Variants in DIP2C observed in about 807,000 individuals in gnomAD.
DIP2C encodes the protein disco-interacting protein 2 homolog C.
Under a neutral mutation model 192.4 loss-of-function variants are expected in DIP2C, and 33 were observed. The ratio of observed to expected loss-of-function variants is 0.17; its 90% CI spans 0.13 to 0.23. The LOEUF (loss-of-function observed/expected upper bound fraction) is 0.23, where lower values mean the gene tolerates loss of function less well. Ranked by LOEUF, DIP2C falls within the 10% of genes least tolerant of loss-of-function variation. The pLI is 1.00. For synonymous variants in DIP2C, 979 were observed against 864.1 expected (o/e 1.13, Z -2.33); for missense variants, 1,537 against 2,110.1 (o/e 0.73, Z 5.32).
intron 10 of DIP2C, among the ~76,000 whole-genome samples, chr10:398,727 A>G (rs923513313): frequency 2.0e-5 from 3 of 152,218 alleles, no homozygotes; most frequent in African/African-American, 7.2e-5. Flanking sequence ...AAACCTGACA[A>G]ATCATAGGTC....
At chr10:599,771 C>A (rs1005752279) in intron 1 of DIP2C, among the ~76,000 whole-genome samples, 13 of 152,280 alleles carry the variant, frequency 8.5e-5, no homozygotes, top group African/African-American at 3.1e-4. Context: ...GATGTAAATG[C>A]GGTTGTCATC....
intron 31 of DIP2C, chr10:324,951 T>TCC (rs1957202425): frequency 1.9e-6 from 1 of 533,028 alleles, no homozygotes; most frequent in African/African-American, 1.9e-5. Flanking sequence ...CTGAGCGTAC[T>TCC]CCTTCCTTGT....
At chr10:281,152 A>C in intron 36 of DIP2C, 48 bp downstream of exon 36, 3 of 1,603,336 alleles carry the variant, frequency 1.9e-6, no homozygotes, top group Non-Finnish European at 2.6e-6. Flanking sequence ...TCAATGCTTC[A>C]CAAACTCTGC....
At chr10:384,757 G>A (rs1414245692) in intron 14 of DIP2C, 118 bp from the exon 15 acceptor site, 26 of 964,936 alleles carry the variant, frequency 2.7e-5, no homozygotes, top group Non-Finnish European at 3.6e-5. Context: ...AGGGAGCGCT[G>A]CAGACACCAT....
rs147162204 is a variant in DIP2C at position 369,525 on chromosome 10, G to A, written c.2100C>T (p.Thr700=). ...VDSEEKLSVL[T]VQDVGLVMPG... ...GCATCACGAGGCCGACATCCTGCAC[G>A]GTGAGCACGGACAGCTTCTCTTCCG... The change falls in exon 18 of 37, where the codon ACC becomes ACT. Residue 700 remains threonine, a synonymous_variant. Coordinates refer to ENST00000280886, the MANE Select transcript of DIP2C (RefSeq NM_014974.3). 91 of 1,571,356 alleles carry A rather than the reference G, an allele frequency of 5.8e-5. 1 individual carries two copies. In the African/African-American group the frequency reaches 9.0e-4, roughly 16 times the overall value.
chr10:650,105 C>T lies in DIP2C; in HGVS notation c.85+39389G>A, dbSNP rs561581615. The T allele has an allele frequency of 2.5e-5, 18 of 716,916 alleles. 1 individual carries two copies. Among genetic ancestry groups the T allele is most frequent in the African/African-American group, 5.2e-5 (3 of 57,370 alleles). 44.4% of individuals were successfully genotyped at this position (716,916 alleles called of 1,614,324 possible). On this transcript the variant is annotated intron_variant, in intron 1 of 36. Transcript: ENST00000280886. ...AGAGAAAATAGCTTGACACCTCCTG[C>T]GGCCCATGGAGTCCTCCCGTTGGGA... is the stretch of plus-strand genomic sequence containing the variant.
At chr10:420,797 C>T (rs531096447) in intron 5 of DIP2C, among the ~76,000 whole-genome samples, 1 of 152,298 alleles carries the variant, frequency 6.6e-6, no homozygotes, top group African/African-American at 2.4e-5. Context: ...TGAGAGACTC[C>T]GTGACCTGAG....
In DIP2C at chr10:440,999, G is replaced by A; in HGVS notation, c.269-3C>T. 1.2e-6 allele frequency: 2 copies of A among 1,611,064 alleles called. No individual in the cohort carries two copies. Among genetic ancestry groups the A allele is most frequent in the South Asian group, 1.1e-5 (1 of 90,738 alleles). Reference sequence around the variant, plus strand: ...CTGGACAGCTTCCGTGTGGACGTCTGAAACGGAGAGAGCTCAGTCACTCAG... The same window carrying A: ...CTGGACAGCTTCCGTGTGGACGTCTAAAACGGAGAGAGCTCAGTCACTCAG... On this transcript the variant is annotated splice_polypyrimidine_tract_variant and splice_region_variant and intron_variant, in intron 3 of 36. Transcript: ENST00000280886.
At chr10:466,728 C>G (rs539783362) in intron 3 of DIP2C, among the ~76,000 whole-genome samples, 1 of 151,878 alleles carries the variant, frequency 6.6e-6, no homozygotes, top group South Asian at 2.1e-4. Flanking sequence ...GGGCAAAGGA[C>G]ATGAACAGAC....
At chr10:464,774 C>T (rs1711862237) in intron 3 of DIP2C, among the ~76,000 whole-genome samples, 1 of 152,014 alleles carries the variant, frequency 6.6e-6, no homozygotes, top group Non-Finnish European at 1.5e-5. Flanking sequence ...TGTGGCTAAA[C>T]TAGAAAATCT....
At chr10:332,709 G>A (rs1055108413) in intron 29 of DIP2C, among the ~76,000 whole-genome samples, 4 of 152,042 alleles carry the variant, frequency 2.6e-5, no homozygotes, top group South Asian at 4.2e-4. Context: ...ATACACATTC[G>A]CACATTAGCA....
At chr10:568,765 C>CCAAAAAAAA (rs1849593726) in intron 1 of DIP2C, among the ~76,000 whole-genome samples, 1 of 37,862 alleles carries the variant, frequency 2.6e-5, no homozygotes, top group African/African-American at 1.0e-4. Context: ...AACTCCGTCT[C>CCAAAAAAAA]AAAAAAAAAA....
intron 32 of DIP2C, among the ~76,000 whole-genome samples, chr10:289,863 G>C (rs190134342): frequency 6.6e-6 from 1 of 152,216 alleles, no homozygotes; most frequent in Non-Finnish European, 1.5e-5. Flanking sequence ...CGTCCTCCAC[G>C]TGCCAGACAT....
At chr10:510,894 G>A (rs897105171) in intron 1 of DIP2C, among the ~76,000 whole-genome samples, 1 of 152,188 alleles carries the variant, frequency 6.6e-6, no homozygotes, top group Admixed American at 6.5e-5. Flanking sequence ...GTGTGGGACA[G>A]CCAGGACATC....
intron 1 of DIP2C, among the ~76,000 whole-genome samples, chr10:586,401 T>C (rs904179362): frequency 1.3e-5 from 2 of 152,124 alleles, no homozygotes; most frequent in Admixed American, 1.3e-4. Context: ...TGCTAGGGGC[T>C]TCCTCAGGGA....
At chr10:453,378 CA>C (rs2133342052) in intron 3 of DIP2C, among the ~76,000 whole-genome samples, 1 of 152,306 alleles carries the variant, frequency 6.6e-6, no homozygotes, top group African/African-American at 2.4e-5. Context: ...TGTGTGCAAA[CA>C]TCACGAGAGT....
At chr10:362,269 C>A (rs985291747) in intron 22 of DIP2C, among the ~76,000 whole-genome samples, 1 of 152,198 alleles carries the variant, frequency 6.6e-6, no homozygotes, top group African/African-American at 2.4e-5. Context: ...GACGACCACA[C>A]TAACACCCCT....
chr10:488,407 A>C (rs905721388), intron 1 of DIP2C, among the ~76,000 whole-genome samples: 1 of 152,208 alleles, frequency 6.6e-6, no homozygotes, highest in Non-Finnish European at 1.5e-5. Flanking sequence ...ATAAGAACTT[A>C]TTTTACAGAT....
intron 24 of DIP2C, among the ~76,000 whole-genome samples, chr10:351,455 G>A (rs1436331396): frequency 2.6e-5 from 4 of 152,140 alleles, no homozygotes; most frequent in South Asian, 2.1e-4. Context: ...GCGGGGAGGC[G>A]GCCCACGTCA....
Sources: allele counts gnomAD v4.1 joint callset (sites outside exome capture counted in the v4.1 genomes callset), GRCh38; gene constraint gnomAD v4.1.1; transcripts MANE v1.5; gene names NCBI Gene and HGNC (gene_info 2026-07-23, HGNC 2026-07-21).